The following FBXW8 variants were observed in gnomAD, a reference collection of about 807,000 sequenced individuals.
FBXW8 encodes the protein F-box and WD repeat domain containing 8.
A neutral mutation model predicts 65.3 loss-of-function variants in FBXW8; 57 were observed. That is an observed-to-expected ratio of 0.87 (90% CI 0.71 to 1.09). FBXW8 has a LOEUF of 1.09. Ranked by LOEUF, FBXW8 falls within the 50% of genes least tolerant of loss-of-function variation. The pLI is 0.00. For missense variants in FBXW8, 777 were observed against 814.8 expected (o/e 0.95, Z 0.57); for synonymous variants, 308 against 330.2 (o/e 0.93, Z 0.73).
intron 9 of FBXW8, among the ~76,000 whole-genome samples, chr12:117,025,246 A>T (rs117590471): frequency 6.6e-6 from 1 of 152,296 alleles, no homozygotes; most frequent in Non-Finnish European, 1.5e-5. Flanking sequence ...TACTCAGGAG[A>T]CTGAGGAGCT....
intron 2 of FBXW8, among the ~76,000 whole-genome samples, chr12:116,935,152 TAAAGAA>T (rs1882067807): frequency 6.6e-6 from 1 of 152,054 alleles, no homozygotes; most frequent in African/African-American, 2.4e-5. Flanking sequence ...AACAAAGTAA[TAAAGAA>T]AAAGAGGGAA....
chr12:116,942,770 A>AT (rs71099022), intron 2 of FBXW8, among the ~76,000 whole-genome samples: 3,572 of 64,320 alleles, frequency 0.056, 495 homozygotes, highest in East Asian at 0.17. Flanking sequence ...CAGAGCTTCT[A>AT]TTTTTTTTTT....
chr12:116,967,142 T>C (rs1004770693), intron 5 of FBXW8, among the ~76,000 whole-genome samples: 8 of 151,878 alleles, frequency 5.3e-5, no homozygotes, highest in Admixed American at 1.3e-4. Flanking sequence ...GGTCCTGCTC[T>C]GTATACTTCT....
intron 9 of FBXW8, among the ~76,000 whole-genome samples, chr12:117,026,243 C>A (rs1293671341): frequency 6.6e-6 from 1 of 151,842 alleles, no homozygotes; most frequent in Non-Finnish European, 1.5e-5. Context: ...CTTTCTCATC[C>A]TCCAGGTCCC....
At chr12:117,015,571 T>C (rs1953932399) in intron 8 of FBXW8, among the ~76,000 whole-genome samples, 1 of 152,178 alleles carries the variant, frequency 6.6e-6, no homozygotes, top group East Asian at 1.9e-4. Flanking sequence ...TGCTGTGCTA[T>C]GGAGAACCAA....
intron 8 of FBXW8, among the ~76,000 whole-genome samples, chr12:117,012,523 A>C (rs956733423): frequency 1.3e-5 from 2 of 152,204 alleles, no homozygotes; most frequent in Non-Finnish European, 1.5e-5. Context: ...TGTTTTAATA[A>C]AAATTGCACA....
intron 7 of FBXW8, among the ~76,000 whole-genome samples, chr12:116,995,828 G>A (rs1953361313): frequency 6.6e-6 from 1 of 152,234 alleles, no homozygotes; most frequent in Non-Finnish European, 1.5e-5. Flanking sequence ...GCAAAAGTCA[G>A]TGTGAACGCT....
chr12:117,012,059 G>A (rs1179761592), intron 8 of FBXW8, among the ~76,000 whole-genome samples: 1 of 152,144 alleles, frequency 6.6e-6, no homozygotes, highest in Non-Finnish European at 1.5e-5. Context: ...AGGGAGACTT[G>A]AGCATCTGTA....
intron 5 of FBXW8, among the ~76,000 whole-genome samples, chr12:116,969,367 C>A (rs948764658): frequency 1.3e-5 from 2 of 152,210 alleles, no homozygotes. Context: ...AACTTCTATT[C>A]TTTCCCCAGA....
chr12:116,934,444 T>A (rs528473667), intron 2 of FBXW8, among the ~76,000 whole-genome samples: 2 of 152,334 alleles, frequency 1.3e-5, no homozygotes, highest in South Asian at 4.1e-4. Flanking sequence ...TCATCTTTTT[T>A]TGTGCCCACA....
At chr12:116,937,333 A>G (rs1002108635) in intron 2 of FBXW8, among the ~76,000 whole-genome samples, 1 of 152,174 alleles carries the variant, frequency 6.6e-6, no homozygotes, top group Non-Finnish European at 1.5e-5. Flanking sequence ...CAGGAGACAA[A>G]TGAGAACATT....
At chr12:116,913,888 TCTC>T (rs1880194208) in intron 1 of FBXW8, among the ~76,000 whole-genome samples, 1 of 152,160 alleles carries the variant, frequency 6.6e-6, no homozygotes, top group Admixed American at 6.5e-5. Flanking sequence ...ATTTCCCTGG[TCTC>T]CTCTGCCCCC....
intron 7 of FBXW8, among the ~76,000 whole-genome samples, chr12:117,004,710 T>C (rs1953634392): frequency 6.6e-6 from 1 of 152,188 alleles, no homozygotes; most frequent in Non-Finnish European, 1.5e-5. Context: ...TTACTGAATG[T>C]ATGTAGCCCT....
intron 3 of FBXW8, chr12:116,949,407 G>A (rs1883125820): frequency 1.7e-6 from 1 of 574,472 alleles, no homozygotes; most frequent in Non-Finnish European, 3.2e-6. Context: ...CTCGAGTTCA[G>A]TGCCTTTGGG....
At chr12:117,024,729 C>T (rs1326061041) in intron 9 of FBXW8, among the ~76,000 whole-genome samples, 2 of 151,704 alleles carry the variant, frequency 1.3e-5, no homozygotes, top group Non-Finnish European at 2.9e-5. Context: ...CCCACCTGCC[C>T]ACAGGTGGAA....
At chr12:116,952,617 T>C (rs187857425) in intron 4 of FBXW8, among the ~76,000 whole-genome samples, 24 of 152,376 alleles carry the variant, frequency 1.6e-4, no homozygotes, top group Non-Finnish European at 2.9e-4. Context: ...GTGGCCTTGC[T>C]GTTTCACTGA....
At chr12:117,016,749 G>T (rs922817841) in intron 8 of FBXW8, among the ~76,000 whole-genome samples, 2 of 152,086 alleles carry the variant, frequency 1.3e-5, no homozygotes, top group South Asian at 4.2e-4. Context: ...TCTTCAAAGG[G>T]TTTTATAGTT....
chr12:117,013,488 T>C (rs1262487324), intron 8 of FBXW8, among the ~76,000 whole-genome samples: 7 of 152,116 alleles, frequency 4.6e-5, no homozygotes, highest in African/African-American at 1.7e-4. Flanking sequence ...CAATGAGTAA[T>C]GGTACGGGGA....
At chr12:116,991,489 C>A (rs1474989780) in intron 7 of FBXW8, among the ~76,000 whole-genome samples, 1 of 152,184 alleles carries the variant, frequency 6.6e-6, no homozygotes, top group Non-Finnish European at 1.5e-5. Context: ...GTCTCATGTG[C>A]GAGGCTTGGT....
Sources: gnomAD v4.1 joint callset for allele counts (sites outside exome capture counted in the v4.1 genomes callset) on GRCh38, gnomAD v4.1.1 for gene constraint, MANE v1.5 for transcripts, NCBI Gene and HGNC (gene_info 2026-07-23, HGNC 2026-07-21) for gene names.